PRKD1: variants seen among roughly 807,000 people sequenced by gnomAD.
PRKD1 encodes serine/threonine-protein kinase D1.
In PRKD1, 63 loss-of-function variants were observed where a neutral mutation model predicts 95.9. That is an observed-to-expected ratio of 0.66 (90% confidence interval 0.54 to 0.81). PRKD1 has a LOEUF of 0.81. PRKD1 is among the 30% of genes least tolerant of loss of function. The pLI is 0.00. For missense variants in PRKD1, 1,048 were observed against 1,165.3 expected, an observed-to-expected ratio of 0.90 and a Z score of 1.47; for synonymous variants, 425 against 423.1, an observed-to-expected ratio of 1.00 and a Z score of -0.05.
intron 2 of PRKD1, among the ~76,000 whole-genome samples, chr14:29,717,297 G>A (rs891629982): frequency 6.6e-6 from 1 of 152,048 alleles, no homozygotes; most frequent in African/African-American, 2.4e-5. Flanking sequence ...TGGGGTAAGA[G>A]GATTGAGTAC....
At chr14:29,691,208 C>T (rs1309425639) in intron 2 of PRKD1, among the ~76,000 whole-genome samples, 3 of 152,160 alleles carry the variant, frequency 2.0e-5, no homozygotes, top group Admixed American at 6.5e-5. Context: ...CCCAGTTTTC[C>T]GAGTTCCTAA....
intron 1 of PRKD1, among the ~76,000 whole-genome samples, chr14:29,873,215 A>G (rs1893173850): frequency 6.6e-6 from 1 of 152,128 alleles, no homozygotes. Flanking sequence ...CCTCCTGAGT[A>G]GCTGGGACTA....
In PRKD1 at chr14:29,648,310, T is replaced by C. The variant is rs950739570; in HGVS notation, c.697-9406A>G. ...AGAGCACCACAATTTTTTTTTTTTT[T>C]TGAGTGGCTACACATTTTTTTTGAG... On this transcript the variant is annotated intron_variant, in intron 4 of 17. Coordinates refer to ENST00000331968, the MANE Select transcript of PRKD1 (RefSeq NM_002742.3). Among the ~76,000 whole-genome samples the C allele has an allele frequency of 5.3e-5, 8 of 152,080 alleles. 1 individual carries two copies. Among genetic ancestry groups the C allele is most frequent in the African/African-American group, 1.7e-4 (7 of 41,484 alleles).
At chr14:29,859,299 G>A (rs892393499) in intron 1 of PRKD1, among the ~76,000 whole-genome samples, 27 of 145,598 alleles carry the variant, frequency 1.9e-4, no homozygotes, top group Non-Finnish European at 3.5e-4. Context: ...GTGAAAGCCC[G>A]TCTCTACTAA....
chr14:29,726,795 A>G (rs1168777435), intron 1 of PRKD1, among the ~76,000 whole-genome samples: 5 of 152,012 alleles, frequency 3.3e-5, no homozygotes, highest in Non-Finnish European at 4.4e-5. Context: ...CTTAAAAAAA[A>G]AAAACACAAC....
intron 2 of PRKD1, among the ~76,000 whole-genome samples, chr14:29,725,133 G>T (rs553406352): frequency 2.0e-5 from 3 of 152,252 alleles, no homozygotes; most frequent in Non-Finnish European, 4.4e-5. Context: ...TAAGTCAAAG[G>T]CTTCTTAGCC....
chr14:29,659,287 A>AT (rs960579723), intron 4 of PRKD1, among the ~76,000 whole-genome samples: 4 of 152,186 alleles, frequency 2.6e-5, no homozygotes, highest in Admixed American at 6.5e-5. Context: ...TTTAAATATC[A>AT]TTTTGTGAGA....
At chr14:29,629,007 T>C in intron 11 of PRKD1, 34 bp downstream of exon 11, 3 of 1,416,288 alleles carry the variant, frequency 2.1e-6, no homozygotes, top group African/African-American at 1.5e-5. Context: ...AGTAATCACA[T>C]TAGCAAGTTT....
At chr14:29,656,105 C>T (rs1471888103) in intron 4 of PRKD1, among the ~76,000 whole-genome samples, 1 of 152,062 alleles carries the variant, frequency 6.6e-6, no homozygotes, top group African/African-American at 2.4e-5. Flanking sequence ...CATAGCATCA[C>T]ATAAGTGAGG....
chr14:29,596,144 C>A (rs1262288883), intron 16 of PRKD1, among the ~76,000 whole-genome samples: 1 of 152,144 alleles, frequency 6.6e-6, no homozygotes, highest in Admixed American at 6.6e-5. Flanking sequence ...ACTTAAAGCT[C>A]TGATAATGGA....
At chr14:29,701,644 C>A (rs1418496830) in intron 2 of PRKD1, among the ~76,000 whole-genome samples, 1 of 152,024 alleles carries the variant, frequency 6.6e-6, no homozygotes. Flanking sequence ...GTAGTCAATA[C>A]TTTTTCTTTT....
intron 13 of PRKD1, among the ~76,000 whole-genome samples, chr14:29,611,880 C>G (rs190138262): frequency 8.6e-5 from 13 of 152,010 alleles, no homozygotes; most frequent in African/African-American, 3.1e-4. Flanking sequence ...ATATGGAAAA[C>G]TTTTTATTTC....
chr14:29,743,925 G>A (rs889260144), intron 1 of PRKD1, among the ~76,000 whole-genome samples: 1 of 152,136 alleles, frequency 6.6e-6, no homozygotes, highest in African/African-American at 2.4e-5. Context: ...CCACTTGACT[G>A]GCTATCACTT....
intron 6 of PRKD1, 92 bp downstream of exon 6, chr14:29,638,397 C>G (rs919247407): frequency 4.9e-6 from 7 of 1,430,028 alleles, no homozygotes; most frequent in Non-Finnish European, 6.8e-6. Context: ...ATATCTGAAC[C>G]AAAACCAAAA....
chr14:29,821,547 T>A (rs1210931735), intron 1 of PRKD1, among the ~76,000 whole-genome samples: 1 of 152,174 alleles, frequency 6.6e-6, no homozygotes, highest in African/African-American at 2.4e-5. Context: ...TTCTATTCAC[T>A]CTCTCCTTAC....
intron 2 of PRKD1, among the ~76,000 whole-genome samples, chr14:29,697,163 T>TA (rs140063054): frequency 0.32 from 46,641 of 144,732 alleles, 7,483 homozygotes; most frequent in South Asian, 0.44. Flanking sequence ...CAAAACATAG[T>TA]AAAAAAAAAA....
chr14:29,700,883 G>C (rs775884787), intron 2 of PRKD1, among the ~76,000 whole-genome samples: 1 of 152,000 alleles, frequency 6.6e-6, no homozygotes, highest in African/African-American at 2.4e-5. Context: ...TTTTGGACTT[G>C]TCAGCCTCCA....
chr14:29,751,615 T>C (rs1381728516), intron 1 of PRKD1, among the ~76,000 whole-genome samples: 2 of 152,220 alleles, frequency 1.3e-5, no homozygotes, highest in Non-Finnish European at 2.9e-5. Flanking sequence ...TGTATCTTTA[T>C]AGTTTAACAT....
At chr14:29,798,458 G>C (rs1284405404) in intron 1 of PRKD1, among the ~76,000 whole-genome samples, 1 of 152,066 alleles carries the variant, frequency 6.6e-6, no homozygotes, top group Non-Finnish European at 1.5e-5. Flanking sequence ...TCAAATTCAA[G>C]CCCAGAACAT....
Sources: allele counts gnomAD v4.1 joint callset (sites outside exome capture counted in the v4.1 genomes callset), GRCh38; gene constraint gnomAD v4.1.1; transcripts MANE v1.5; gene names NCBI Gene and HGNC (gene_info 2026-07-23, HGNC 2026-07-21).